The following WDFY4 variants were observed in gnomAD, a reference collection of about 807,000 sequenced individuals.
The protein encoded by WDFY4 is WDFY family member 4.
In WDFY4, 169 loss-of-function variants were observed where a neutral mutation model predicts 351.9. The observed-to-expected ratio is 0.48, with a 90% confidence interval of 0.42 to 0.55. The LOEUF (loss-of-function observed/expected upper bound fraction) is 0.55, where lower values mean the gene tolerates loss of function less well. Ranked by LOEUF, WDFY4 falls within the 20% of genes least tolerant of loss-of-function variation. WDFY4 has a pLI of 0.00. For synonymous variants in WDFY4, 1,622 were observed against 1,574.6 expected (o/e 1.03, Z -0.71); for missense variants, 3,803 against 3,935.6 (o/e 0.97, Z 0.90).
intron 47 of WDFY4, chr10:48,910,393 T>G: frequency 1.3e-6 from 1 of 753,532 alleles, no homozygotes; most frequent in Non-Finnish European, 2.4e-6. Flanking sequence ...GAATGGGGGT[T>G]TTGTTGTATT....
At chr10:48,794,950 G>A (rs1261130188) in intron 23 of WDFY4, among the ~76,000 whole-genome samples, 1 of 152,152 alleles carries the variant, frequency 6.6e-6, no homozygotes, top group Non-Finnish European at 1.5e-5. Context: ...ATGAGCAGGA[G>A]GAGCTGCATA....
chr10:48,868,025 T>A (rs2069615311), intron 40 of WDFY4, among the ~76,000 whole-genome samples: 1 of 152,150 alleles, frequency 6.6e-6, no homozygotes, highest in South Asian at 2.1e-4. Context: ...AATGATAGGA[T>A]GTTCTACTAT....
Position 48,946,974 on chromosome 10 carries a change from G to A in WDFY4, c.7977+5G>A. The A allele has an allele frequency of 6.5e-7, 1 of 1,538,856 alleles. No homozygotes were observed. Reference sequence around the variant, plus strand: ...CAGGCCTTCTGCGCTCTGCAGGTGAGCTGCTGCCACTCTCTGTACACACAC... The same window carrying A: ...CAGGCCTTCTGCGCTCTGCAGGTGAACTGCTGCCACTCTCTGTACACACAC... On this transcript the variant is annotated splice_donor_5th_base_variant and intron_variant, in intron 51 of 61. Coordinates refer to ENST00000325239, the MANE Select transcript of WDFY4 (RefSeq NM_001394531.1).
intron 59 of WDFY4, among the ~76,000 whole-genome samples, chr10:48,977,437 C>G (rs1842621260): frequency 6.6e-6 from 1 of 150,782 alleles, no homozygotes; most frequent in African/African-American, 2.5e-5. Flanking sequence ...ATCCATCCAT[C>G]CATCCATCCA....
intron 23 of WDFY4, among the ~76,000 whole-genome samples, chr10:48,793,611 T>C (rs1452854710): frequency 6.6e-6 from 1 of 152,236 alleles, no homozygotes; most frequent in African/African-American, 2.4e-5. Flanking sequence ...ATTTGCGTGA[T>C]GTCTGCTTCC....
At chr10:48,958,546 T>G (rs1217065238) in intron 52 of WDFY4, among the ~76,000 whole-genome samples, 1 of 152,066 alleles carries the variant, frequency 6.6e-6, no homozygotes. Flanking sequence ...AGAGAGCAAA[T>G]GTCCTCAGAA....
chr10:48,889,924 A>G (rs1322813607), intron 43 of WDFY4, among the ~76,000 whole-genome samples: 1 of 152,240 alleles, frequency 6.6e-6, no homozygotes, highest in Non-Finnish European at 1.5e-5. Context: ...GTTGTTGGGT[A>G]CAGACTGCCC....
intron 40 of WDFY4, among the ~76,000 whole-genome samples, chr10:48,870,188 G>A (rs1055065364): frequency 6.6e-6 from 1 of 152,190 alleles, no homozygotes; most frequent in Non-Finnish European, 1.5e-5. Flanking sequence ...GTAGGGAAGG[G>A]CTGGGTTTCC....
At chr10:48,774,710 C>T (rs545210183) in intron 14 of WDFY4, 38 bp downstream of exon 14, 7 of 1,549,798 alleles carry the variant, frequency 4.5e-6, no homozygotes, top group Non-Finnish European at 6.1e-6. Context: ...CCAAGCTGGG[C>T]AGCCATGTCC....
intron 12 of WDFY4, among the ~76,000 whole-genome samples, chr10:48,751,626 G>C (rs577980219): frequency 6.6e-6 from 1 of 152,312 alleles, no homozygotes; most frequent in South Asian, 2.1e-4. Flanking sequence ...TGGCTGTCTG[G>C]AGTAATCAGC....
At position 48,957,187 on chromosome 10, in the gene WDFY4, C is replaced by T. The variant is rs907362593; in HGVS notation, c.8036C>T (p.Ser2679Leu). 41 of 1,551,534 alleles carry T rather than the reference C, an allele frequency of 2.6e-5. No individual in the cohort carries two copies. The highest frequency in any genetic ancestry group is 3.4e-5 in the Non-Finnish European group (39 of 1,146,994). Reference protein sequence around the residue: ...MFHSVKSTWESASRENMSDVR... With the variant: ...MFHSVKSTWELASRENMSDVR... The stretch of plus-strand genomic sequence containing the variant: ...CACAGTGTGAAGAGCACGTGGGAGT[C>T]GGCCTCCAGAGAGAACATGAGTGAC... Residue 2679 changes from serine (S) to leucine (L), a missense_variant, in exon 52 of 62, where the codon TCG becomes TTG. Around this residue, in one of 3 missense-constraint regions of WDFY4, gnomAD observed 3,054 missense variants for 3,148.6 expected, o/e 0.97. Transcript: ENST00000325239.
chr10:48,773,369 T>A (rs555469796), intron 13 of WDFY4, among the ~76,000 whole-genome samples: 1 of 152,208 alleles, frequency 6.6e-6, no homozygotes, highest in African/African-American at 2.4e-5. Flanking sequence ...TGATACGACA[T>A]CTTATCCAGC....
chr10:48,720,167 G>T, intron 3 of WDFY4, 42 bp downstream of exon 3: 1 of 1,537,654 alleles, frequency 6.5e-7, no homozygotes, highest in South Asian at 1.2e-5. Flanking sequence ...ACAGAGAGCA[G>T]TGCAGCCCTG....
chr10:48,908,515 T>C (rs1037653183), intron 47 of WDFY4, among the ~76,000 whole-genome samples: 2 of 152,208 alleles, frequency 1.3e-5, no homozygotes, highest in African/African-American at 4.8e-5. Flanking sequence ...CAATTGTATA[T>C]CTAGGCTGAC....
intron 13 of WDFY4, among the ~76,000 whole-genome samples, chr10:48,764,109 C>G (rs2065595078): frequency 6.6e-6 from 1 of 152,230 alleles, no homozygotes; most frequent in Admixed American, 6.5e-5. Flanking sequence ...CCGCTTTACA[C>G]TATTCACTTG....
At chr10:48,796,763 C>T (rs551070175) in intron 24 of WDFY4, among the ~76,000 whole-genome samples, 7 of 152,284 alleles carry the variant, frequency 4.6e-5, no homozygotes, top group African/African-American at 1.4e-4. Flanking sequence ...GATTTTTAAA[C>T]TATAAATTGG....
intron 33 of WDFY4, 46 bp from the exon 34 acceptor site, chr10:48,821,016 A>G: frequency 7.1e-7 from 1 of 1,409,140 alleles, no homozygotes; most frequent in Non-Finnish European, 9.8e-7. Context: ...CTGGGTGCAC[A>G]CGATGGCCCT....
chr10:48,887,506 C>T (rs747605889), intron 43 of WDFY4, among the ~76,000 whole-genome samples: 3 of 152,294 alleles, frequency 2.0e-5, no homozygotes, highest in South Asian at 2.1e-4. Flanking sequence ...AGGCCAGGCG[C>T]GGTGGCTCAC....
intron 1 of WDFY4, among the ~76,000 whole-genome samples, chr10:48,702,477 T>G (rs1702726091): frequency 6.6e-6 from 1 of 152,198 alleles, no homozygotes; most frequent in African/African-American, 2.4e-5. Flanking sequence ...AAGTGGAATA[T>G]GACAGTGGGT....
Sources: gnomAD v4.1 joint callset for allele counts (sites outside exome capture counted in the v4.1 genomes callset) on GRCh38, gnomAD v4.1.1 for gene constraint, gnomAD v4.1.1 regional missense constraint, MANE v1.5 for transcripts, NCBI Gene and HGNC (gene_info 2026-07-23, HGNC 2026-07-21) for gene names.